METTL15: variants seen among roughly 807,000 people sequenced by gnomAD.
METTL15 encodes the protein 12S rRNA N(4)-cytidine methyltransferase METTL15.
In METTL15, 34 loss-of-function variants were observed where a neutral mutation model predicts 38.3. That is an observed-to-expected ratio of 0.89 (90% confidence interval 0.68 to 1.18). The LOEUF (loss-of-function observed/expected upper bound fraction) is 1.18. METTL15 is among the 50% of genes most tolerant of loss of function. The pLI is 0.00. For synonymous variants in METTL15, 162 were observed against 170.9 expected (o/e 0.95, Z 0.41); for missense variants, 438 against 498.4 (o/e 0.88, Z 1.15).
intron 3 of METTL15, among the ~76,000 whole-genome samples, chr11:28,115,964 A>C (rs1157557323): frequency 6.6e-6 from 1 of 151,398 alleles, no homozygotes; most frequent in Non-Finnish European, 1.5e-5. Context: ...ACACACACAC[A>C]CAACCCTACC....
intron 5 of METTL15, among the ~76,000 whole-genome samples, chr11:28,366,223 AACTCAGTG>A (rs201189514): frequency 0.011 from 1,639 of 152,062 alleles, 14 homozygotes; most frequent in Non-Finnish European, 0.016. Flanking sequence ...GAACAGGAGC[AACTCAGTG>A]ACTCAGTGAC....
At chr11:28,238,335 TG>T (rs1181413231) in intron 4 of METTL15, among the ~76,000 whole-genome samples, 2 of 152,316 alleles carry the variant, frequency 1.3e-5, no homozygotes, top group East Asian at 3.9e-4. Flanking sequence ...CCAGCCTGGC[TG>T]CCGCCTTGCA....
chr11:28,257,173 A>G (rs1466913674), intron 4 of METTL15, among the ~76,000 whole-genome samples: 1 of 152,164 alleles, frequency 6.6e-6, no homozygotes, highest in Non-Finnish European at 1.5e-5. Context: ...CTAGGATAAA[A>G]TATTTTTTTC....
chr11:28,181,125 G>A (rs1304651395), intron 3 of METTL15, among the ~76,000 whole-genome samples: 1 of 151,412 alleles, frequency 6.6e-6, no homozygotes, highest in Non-Finnish European at 1.5e-5. Context: ...TATGCCCAGA[G>A]GAATGAGTAG....
At chr11:28,309,080 G>T (rs150790812) in intron 6 of METTL15, among the ~76,000 whole-genome samples, 2 of 152,228 alleles carry the variant, frequency 1.3e-5, no homozygotes, top group East Asian at 3.9e-4. Flanking sequence ...ATTTGTAGTG[G>T]CCTGCTCTGT....
intron 5 of METTL15, among the ~76,000 whole-genome samples, chr11:28,396,162 C>G (rs1850566343): frequency 6.6e-6 from 1 of 152,172 alleles, no homozygotes; most frequent in Non-Finnish European, 1.5e-5. Context: ...AAACTGGAAG[C>G]ATTCCCTTTG....
intron 4 of METTL15, among the ~76,000 whole-genome samples, chr11:28,221,454 C>A (rs192353512): frequency 2.0e-5 from 3 of 152,144 alleles, no homozygotes; most frequent in African/African-American, 7.2e-5. Flanking sequence ...TTCTAGTTAA[C>A]CATTCATCTA....
chr11:28,530,210 A>G (rs1440475728), downstream of METTL15, among the ~76,000 whole-genome samples: 1 of 152,210 alleles, frequency 6.6e-6, no homozygotes, highest in East Asian at 1.9e-4. Flanking sequence ...TAAAATTCTT[A>G]AAGAGAGAGA....
chr11:28,113,234 A>G, intron 2 of METTL15, 84 bp from the exon 3 acceptor site: 1 of 913,378 alleles, frequency 1.1e-6, no homozygotes, highest in South Asian at 1.9e-5. Flanking sequence ...TGTGCTAAAT[A>G]TTGCATATTA....
intron 5 of METTL15, among the ~76,000 whole-genome samples, chr11:28,380,838 GT>G (rs34912131): frequency 0.98 from 146,122 of 148,700 alleles, 71,799 homozygotes; most frequent in East Asian, 1. Context: ...TTAGATGAGA[GT>G]TTTTTTTTTT....
chr11:28,389,954 G>A (rs1850484956), intron 5 of METTL15, among the ~76,000 whole-genome samples: 1 of 152,010 alleles, frequency 6.6e-6, no homozygotes, highest in Non-Finnish European at 1.5e-5. Context: ...TCTCATTGTG[G>A]TTTTGATTTG....
intron 5 of METTL15, among the ~76,000 whole-genome samples, chr11:28,387,567 A>G (rs1850454070): frequency 6.6e-6 from 1 of 152,014 alleles, no homozygotes; most frequent in Admixed American, 6.6e-5. Flanking sequence ...CTCCCAGCAA[A>G]GAAAAGCCCA....
At chr11:28,351,647 T>G (rs1326685031) in intron 3 of METTL15, among the ~76,000 whole-genome samples, 1 of 152,226 alleles carries the variant, frequency 6.6e-6, no homozygotes, top group Non-Finnish European at 1.5e-5. Flanking sequence ...TGCCCTAGTA[T>G]GATATATGTG....
At chr11:28,484,803 G>A (rs550198987) in intron 6 of METTL15, among the ~76,000 whole-genome samples, 1 of 152,190 alleles carries the variant, frequency 6.6e-6, no homozygotes, top group South Asian at 2.1e-4. Flanking sequence ...TTGACTCCAG[G>A]ACATCAACTA....
At chr11:28,404,042 T>A (rs2133406426) in intron 5 of METTL15, among the ~76,000 whole-genome samples, 1 of 152,164 alleles carries the variant, frequency 6.6e-6, no homozygotes, top group East Asian at 1.9e-4. Flanking sequence ...TTTTTGTTCT[T>A]CATGTATTCC....
chr11:28,128,779 AAG>A (rs1852612300), intron 3 of METTL15, among the ~76,000 whole-genome samples: 1 of 152,174 alleles, frequency 6.6e-6, no homozygotes, highest in South Asian at 2.1e-4. Flanking sequence ...TTTAGTACTT[AAG>A]ACTTTATTAT....
intron 4 of METTL15, among the ~76,000 whole-genome samples, chr11:28,270,687 A>G (rs1855608078): frequency 6.6e-6 from 1 of 152,232 alleles, no homozygotes; most frequent in South Asian, 2.1e-4. Flanking sequence ...ATTCAATGAA[A>G]TAAGCAGAAA....
intron 4 of METTL15, among the ~76,000 whole-genome samples, chr11:28,217,148 T>A (rs1002639499): frequency 1.3e-5 from 2 of 152,056 alleles, no homozygotes; most frequent in African/African-American, 2.4e-5. Flanking sequence ...CTGACTTCCA[T>A]AACGGTTGAA....
intron 6 of METTL15, among the ~76,000 whole-genome samples, chr11:28,428,981 T>TC (rs1388882245): frequency 6.6e-6 from 1 of 152,192 alleles, no homozygotes; most frequent in Non-Finnish European, 1.5e-5. Flanking sequence ...GGAAGGCTCA[T>TC]CACCATGTTC....
Sources: gnomAD v4.1 joint callset for allele counts (sites outside exome capture counted in the v4.1 genomes callset) on GRCh38, gnomAD v4.1.1 for gene constraint, MANE v1.5 for transcripts, NCBI Gene and HGNC (gene_info 2026-07-23, HGNC 2026-07-21) for gene names.